The following EFNA5 variants were observed in gnomAD, a reference collection of about 807,000 sequenced individuals.
EFNA5 encodes the protein ephrin-A5.
EFNA5 carries 5 observed loss-of-function variants against 22.9 expected under a neutral mutation model. That is an observed-to-expected ratio of 0.22 (90% CI 0.11 to 0.46). EFNA5 has a LOEUF of 0.46. Among genes scored for constraint, EFNA5 ranks in the 20% least tolerant of loss-of-function variants. The probability of loss-of-function intolerance (pLI) is 0.99; values close to 1 mark genes in which losing one functional copy is unlikely to be tolerated. For missense variants in EFNA5, 237 were observed against 293.3 expected (o/e 0.81, Z 1.40); for synonymous variants, 113 against 112.2 (o/e 1.01, Z -0.04).
chr5:107,489,105 A>G (rs1251759100), intron 1 of EFNA5, among the ~76,000 whole-genome samples: 1 of 152,220 alleles, frequency 6.6e-6, no homozygotes, highest in Non-Finnish European at 1.5e-5. Context: ...TAGGTTATCA[A>G]TAAGTTAACT....
At chr5:107,554,149 A>G (rs1748357912) in intron 1 of EFNA5, among the ~76,000 whole-genome samples, 1 of 152,218 alleles carries the variant, frequency 6.6e-6, no homozygotes, top group East Asian at 1.9e-4. Context: ...AAGCTGGCTG[A>G]TCGCCCTATA....
intron 1 of EFNA5, among the ~76,000 whole-genome samples, chr5:107,592,894 T>C (rs553745487): frequency 2.5e-4 from 38 of 152,254 alleles, no homozygotes; most frequent in African/African-American, 8.4e-4. Flanking sequence ...TCACAAGCCA[T>C]AGTGGAGACA....
chr5:107,574,952 T>C (rs1748896042), intron 1 of EFNA5, among the ~76,000 whole-genome samples: 1 of 152,214 alleles, frequency 6.6e-6, no homozygotes, highest in Non-Finnish European at 1.5e-5. Context: ...ATGCCCATCA[T>C]CAGTGAAGAT....
chr5:107,524,712 C>A (rs1278897826), intron 1 of EFNA5, among the ~76,000 whole-genome samples: 2 of 152,092 alleles, frequency 1.3e-5, no homozygotes, highest in African/African-American at 4.8e-5. Flanking sequence ...AGGTAACTTT[C>A]CTTGATATCC....
At position 107,647,449 on chromosome 5, in the gene EFNA5, T is replaced by C. The variant is rs539073338; in HGVS notation, c.125+23040A>G. Reference sequence around the variant, plus strand: ...GAATATCTTTCAATGAAAATAGCTATATTGGTAACTGGAAATAATTATTAG... The same window carrying C: ...GAATATCTTTCAATGAAAATAGCTACATTGGTAACTGGAAATAATTATTAG... On this transcript the variant is annotated intron_variant, in intron 1 of 4. Transcript: ENST00000333274. 6.6e-5 allele frequency among the ~76,000 whole-genome samples: 10 copies of C among 152,274 alleles called. No homozygotes were observed. The South Asian group carries it at 1.7e-3, about 25-fold the overall frequency.
At chr5:107,650,864 G>A (rs1366217007) in intron 1 of EFNA5, among the ~76,000 whole-genome samples, 2 of 152,154 alleles carry the variant, frequency 1.3e-5, no homozygotes, top group Non-Finnish European at 2.9e-5. Context: ...TGTATATACA[G>A]ATTGTACATA....
intron 1 of EFNA5, among the ~76,000 whole-genome samples, chr5:107,513,836 G>A (rs944544346): frequency 6.6e-6 from 1 of 152,108 alleles, no homozygotes; most frequent in Non-Finnish European, 1.5e-5. Flanking sequence ...GATAGCTATG[G>A]ATGGATGAGC....
chr5:107,556,382 A>T (rs1185155636), intron 1 of EFNA5, among the ~76,000 whole-genome samples: 1 of 152,218 alleles, frequency 6.6e-6, no homozygotes, highest in Non-Finnish European at 1.5e-5. Context: ...ACAAACTGCA[A>T]AGTAAAACTC....
chr5:107,414,877 TAA>T lies in EFNA5; in HGVS notation c.418+12338_418+12339del, dbSNP rs527885558. Among the ~76,000 whole-genome samples, 3 of 150,744 alleles carry T rather than the reference TAA, an allele frequency of 2.0e-5. No individual in the cohort carries two copies. The East Asian group carries it at 5.8e-4, about 29-fold the overall frequency. On this transcript the variant is annotated intron_variant, in intron 2 of 4. Transcript: ENST00000333274. ...CTATTGCAAAGGAACTAAAGGCAAT[TAA>T]AAAAAAAGAGAAACTCAAGTAAAGG...
At chr5:107,546,319 G>C (rs545086342) in intron 1 of EFNA5, among the ~76,000 whole-genome samples, 16 of 152,112 alleles carry the variant, frequency 1.1e-4, no homozygotes, top group Non-Finnish European at 2.1e-4. Flanking sequence ...GCTGACAAAT[G>C]ATGAATTCCA....
chr5:107,546,180 T>C (rs1748149236), intron 1 of EFNA5, among the ~76,000 whole-genome samples: 1 of 152,160 alleles, frequency 6.6e-6, no homozygotes. Flanking sequence ...TCCTGAAGTA[T>C]AGAAAAGAGC....
chr5:107,581,020 A>G (rs77033687), intron 1 of EFNA5, among the ~76,000 whole-genome samples: 20 of 152,206 alleles, frequency 1.3e-4, no homozygotes, highest in African/African-American at 4.8e-4. Flanking sequence ...CTGGAAGAAG[A>G]CTTTGAACAA....
chr5:107,543,511 G>A (rs532640278), intron 1 of EFNA5, among the ~76,000 whole-genome samples: 5 of 152,238 alleles, frequency 3.3e-5, no homozygotes, highest in South Asian at 4.1e-4. Context: ...TAACTTAAAT[G>A]TTTTGTTTTC....
At chr5:107,642,197 T>C (rs1037124701) in intron 1 of EFNA5, among the ~76,000 whole-genome samples, 2 of 152,198 alleles carry the variant, frequency 1.3e-5, no homozygotes, top group Non-Finnish European at 2.9e-5. Flanking sequence ...CTGTAGGGAT[T>C]GGAGAGATTT....
At position 107,516,174 on chromosome 5, in the gene EFNA5, TTGTGTG is replaced by T. The variant is rs59824895; in HGVS notation, c.126-88671_126-88666del. Among the ~76,000 whole-genome samples the T allele has an allele frequency of 5.8e-3, 807 of 139,608 alleles. 6 individuals are homozygous for T. Among genetic ancestry groups the T allele is most frequent in the African/African-American group, 0.019 (702 of 37,648 alleles). 91.6% of individuals were successfully genotyped at this position (139,608 alleles called of 152,430 possible). On this transcript the variant is annotated intron_variant, in intron 1 of 4. Coordinates refer to ENST00000333274, the MANE Select transcript of EFNA5 (RefSeq NM_001962.3). Reference sequence around the variant, plus strand: ...TGGGCACCACAATGCCTGGCTAGTTTTGTGTGTGTGTGTGTGTGTGTGTGTGTGTGT... The same window carrying T: ...TGGGCACCACAATGCCTGGCTAGTTTTGTGTGTGTGTGTGTGTGTGTGTGT...
intron 2 of EFNA5, among the ~76,000 whole-genome samples, chr5:107,407,704 G>A (rs1306376117): frequency 1.3e-5 from 2 of 152,156 alleles, no homozygotes; most frequent in Non-Finnish European, 2.9e-5. Flanking sequence ...AAACAGTTTA[G>A]TTGAACTTTT....
rs572352920 is a variant in EFNA5, at chr5:107,520,097, G to A, written c.126-92588C>T. On this transcript the variant is annotated intron_variant, in intron 1 of 4. Coordinates refer to ENST00000333274, the MANE Select transcript of EFNA5 (RefSeq NM_001962.3). ...TCACCAGGGCAACTGAAATAAACAC[G>A]AAAGACAGATGTGAAGGCTGGAATT... is the stretch of plus-strand genomic sequence containing the variant. Among the ~76,000 whole-genome samples the A allele has an allele frequency of 5.9e-5, 9 of 152,296 alleles. No individual in the cohort carries two copies. In the South Asian group the frequency reaches 1.0e-3, roughly 18 times the overall value.
In EFNA5 at chr5:107,453,004, C is replaced by A. The variant is rs184771848; in HGVS notation, c.126-25495G>T. 2.5e-3 allele frequency among the ~76,000 whole-genome samples: 388 copies of A among 152,190 alleles called. 2 individuals carry two copies. The highest frequency in any genetic ancestry group is 9.0e-3 in the African/African-American group (374 of 41,532). On this transcript the variant is annotated intron_variant, in intron 1 of 4. Coordinates refer to ENST00000333274, the MANE Select transcript of EFNA5 (RefSeq NM_001962.3). ...AAAAAAGCTTATATGAATGTTGTAT[C>A]CATATAAGAATAATAAGCCCTGCAT...
In EFNA5 at chr5:107,381,121, G is replaced by A. The variant is rs1156677435; in HGVS notation, c.*134C>T. 2 of 1,320,778 alleles carry A rather than the reference G, an allele frequency of 1.5e-6. No individual in the cohort carries two copies. The highest frequency in any genetic ancestry group is 2.3e-5 in the Admixed American group (1 of 42,754). 81.8% of individuals were successfully genotyped at this position (1,320,778 alleles called of 1,614,324 possible). On this transcript the variant is annotated 3_prime_UTR_variant, in exon 5 of 5. Transcript: ENST00000333274. ...GAAGTTGTTGCTTAGAATTCAGGCT[G>A]AAAGAAAGAAAACAAAAATCTGACA...
Sources: allele counts gnomAD v4.1 joint callset (sites outside exome capture counted in the v4.1 genomes callset), GRCh38; gene constraint gnomAD v4.1.1; transcripts MANE v1.5; gene names NCBI Gene and HGNC (gene_info 2026-07-23, HGNC 2026-07-21).